The following DNAH2 variants were observed in gnomAD, a reference collection of about 807,000 sequenced individuals.
DNAH2 encodes dynein axonemal heavy chain 2, also known as axonemal beta dynein heavy chain 2.
A neutral mutation model predicts 523.5 loss-of-function variants in DNAH2; 323 were observed. That is an observed-to-expected ratio of 0.62 (90% CI 0.56 to 0.68). The LOEUF (loss-of-function observed/expected upper bound fraction) is 0.68. Ranked by LOEUF, DNAH2 falls within the 30% of genes least tolerant of loss-of-function variation. The pLI, the probability that DNAH2 is intolerant of heterozygous loss-of-function variation, is 0.00. For missense variants in DNAH2, 4,907 were observed against 5,701.5 expected, an observed-to-expected ratio of 0.86 and a Z score of 4.49; for synonymous variants, 2,093 against 2,177.4, an observed-to-expected ratio of 0.96 and a Z score of 1.08.
At chr17:7,724,385 C>G (rs139890359) in intron 3 of DNAH2, among the ~76,000 whole-genome samples, 1 of 152,046 alleles carries the variant, frequency 6.6e-6, no homozygotes, top group African/African-American at 2.4e-5. Context: ...TTTAGGATGC[C>G]GAGGTGGGTG....
At position 7,786,235 on chromosome 17, in the gene DNAH2, A is replaced by G; in HGVS notation, c.6241A>G (p.Met2081Val). ...AACCAAGAACTCCCGCCACTCCACC[A>G]TGATCGTGGGCTGCACGGGCAGCGG... ...YETKNSRHST[M>V]IVGCTGSGKT... Residue 2081 changes from methionine (M) to valine (V), a missense_variant, in exon 40 of 86, where the codon ATG (methionine) becomes GTG (valine). This residue lies in a region of DNAH2 where 2,806 missense variants were observed against 3,190.8 expected (regional missense o/e 0.88). Coordinates refer to ENST00000572933, the MANE Select transcript of DNAH2 (RefSeq NM_020877.5). This position sits in a 1 kb window ranked among gnomAD's most constrained non-coding sequence, Gnocchi z 7.5. 1.9e-6 allele frequency: 3 copies of G among 1,614,038 alleles called. No individual in the cohort carries two copies. The highest frequency in any genetic ancestry group is 2.5e-6 in the Non-Finnish European group (3 of 1,180,018).
chr17:7,829,032 T>TATTA (rs200055892), intron 77 of DNAH2, among the ~76,000 whole-genome samples: 2 of 148,472 alleles, frequency 1.3e-5, no homozygotes, highest in East Asian at 3.9e-4. Context: ...TTATTATTAT[T>TATTA]TTTTTTTTTT....
Position 7,799,822 on chromosome 17 carries a change from T to TACAC in DNAH2, c.8699+595_8699+598dup, listed in dbSNP as rs143959847. Among the ~76,000 whole-genome samples the TACAC allele has an allele frequency of 5.0e-3, 746 of 150,516 alleles. 2 individuals carry two copies. Among genetic ancestry groups the TACAC allele is most frequent in the African/African-American group, 0.012 (513 of 41,136 alleles). ...GACAGAGCGAGACTCTGTCTCAAAA[T>TACAC]ACACACACACACACACACCCAAAAT... On this transcript the variant is annotated intron_variant, in intron 56 of 85. Transcript: ENST00000572933.
Position 7,821,502 on chromosome 17 carries a change from C to T in DNAH2, c.11142+133C>T. 1 of 1,285,772 alleles carries T rather than the reference C, an allele frequency of 7.8e-7. No individual in the cohort carries two copies. The highest frequency in any genetic ancestry group is 1.6e-5 in the South Asian group (1 of 63,678). The allele number at this position is 1,285,772 out of a possible 1,614,324, so 79.6% of individuals were successfully genotyped here. The stretch of plus-strand genomic sequence containing the variant: ...AGTGAGCTGAGAAAATCCAGGCCAG[C>T]ATCAGGTGCATGGTGAGCTCCCTGG... On this transcript the variant is annotated intron_variant, in intron 73 of 85. Coordinates refer to ENST00000572933, the MANE Select transcript of DNAH2 (RefSeq NM_020877.5). This position sits in a 1 kb window ranked among gnomAD's most constrained non-coding sequence, Gnocchi z 5.0.
At chr17:7,800,757 C>G (rs967118120) in intron 56 of DNAH2, among the ~76,000 whole-genome samples, 2 of 150,150 alleles carry the variant, frequency 1.3e-5, no homozygotes, top group Admixed American at 6.6e-5. Context: ...GTCCCAGCTA[C>G]TCGGGAGGCT....
intron 3 of DNAH2, among the ~76,000 whole-genome samples, chr17:7,725,211 T>A (rs1444085841): frequency 1.3e-5 from 2 of 151,328 alleles, no homozygotes; most frequent in Non-Finnish European, 2.9e-5. Flanking sequence ...TGTCTCGGCC[T>A]CCTGAGTAGC....
rs1475216211 is a variant in DNAH2, at chr17:7,786,052, C to T, written c.6130-72C>T. On this transcript the variant is annotated intron_variant, in intron 39 of 85. Coordinates refer to ENST00000572933, the MANE Select transcript of DNAH2 (RefSeq NM_020877.5). The surrounding 1 kb of genome is among the most constrained non-coding windows in gnomAD (Gnocchi z 7.5). The stretch of plus-strand genomic sequence containing the variant: ...AGTTTGAACGTATTCTCTCTGGCAC[C>T]GGGGAGATTTTGAAAGCCCTTTAAA... 44 of 1,508,884 alleles carry T rather than the reference C, an allele frequency of 2.9e-5. No individual in the cohort carries two copies. Among genetic ancestry groups the T allele is most frequent in the Middle Eastern group, 3.4e-4 (2 of 5,832 alleles). The allele number at this position is 1,508,884 out of a possible 1,614,324, so 93.5% of individuals were successfully genotyped here. A position where few individuals can be genotyped will look rare whatever the true frequency, so the allele number is the denominator to read the frequency against.
chr17:7,804,090 T>C (rs932238524), intron 58 of DNAH2, among the ~76,000 whole-genome samples, 166 bp from the exon 59 acceptor site: 2 of 152,110 alleles, frequency 1.3e-5, no homozygotes, highest in African/African-American at 4.8e-5. Flanking sequence ...CTGTTGGCAA[T>C]GACCCAGGCA....
rs1456096344 is a variant in DNAH2, at chr17:7,779,428, G to C, written c.5722+5G>C. Reference sequence around the variant, plus strand: ...TCTTCATTACCATGAATCCTGGTAGGTGGCAGGGAGTGGATGGGACTCCTG... The same window carrying C: ...TCTTCATTACCATGAATCCTGGTAGCTGGCAGGGAGTGGATGGGACTCCTG... On this transcript the variant is annotated splice_donor_5th_base_variant and intron_variant, in intron 36 of 85. Transcript: ENST00000572933. The C allele has an allele frequency of 1.2e-6, 2 of 1,612,474 alleles. No homozygotes were observed. Among genetic ancestry groups the C allele is most frequent in the Non-Finnish European group, 1.7e-6 (2 of 1,179,220 alleles).
At chr17:7,744,073 T>C (rs915679652) in intron 12 of DNAH2, among the ~76,000 whole-genome samples, 2 of 151,916 alleles carry the variant, frequency 1.3e-5, no homozygotes, top group East Asian at 3.9e-4. Context: ...AGTGTTGGAT[T>C]CCACTCATAA....
At chr17:7,793,447 T>TTTTCTTTCTTTCTTTCTTTC (rs557051250) in intron 48 of DNAH2, among the ~76,000 whole-genome samples, 3 of 96,502 alleles carry the variant, frequency 3.1e-5, no homozygotes, top group African/African-American at 1.1e-4. Flanking sequence ...CTTTCTTTCT[T>TTTTCTTTCTTTCTTTCTTTC]TTTCTTTCTT....
Position 7,824,196 on chromosome 17 carries a change from C to G in DNAH2, c.11554C>G (p.Leu3852Val), listed in dbSNP as rs750383048. 5 of 1,606,166 alleles carry G rather than the reference C, an allele frequency of 3.1e-6. No homozygotes were observed. The highest frequency in any genetic ancestry group is 4.2e-6 in the Non-Finnish European group (5 of 1,178,020). The change falls in exon 76 of 86, where the codon CTG becomes GTG. Residue 3852 changes from leucine (L) to valine (V), a missense_variant. Physicochemically the swap from Leu to Val is conservative, Grantham distance 32. Transcript: ENST00000572933. ...TGGTGTGGACCCCACCAGTGCCCTGCTGCAGCTGGCAGAGCACATGGGCAT... is the reference window on the plus strand; with the variant it reads ...TGGTGTGGACCCCACCAGTGCCCTGGTGCAGCTGGCAGAGCACATGGGCAT... ...SPGVDPTSAL[L>V]QLAEHMGMAQ... is the part of the protein sequence containing the mutation.
Position 7,817,978 on chromosome 17 carries a change from T to C in DNAH2, c.10269T>C (p.Asp3423=), listed in dbSNP as rs1478022828. ...GLKIIDLQMS[D]YLRILEHAIH... is the part of the protein sequence containing the mutation. Reference sequence around the variant, plus strand: ...AGATCATCGACCTGCAGATGAGCGATTACCTGCGAATCCTAGAACACGCCA... The same window carrying C: ...AGATCATCGACCTGCAGATGAGCGACTACCTGCGAATCCTAGAACACGCCA... Residue 3423 remains aspartate (D), a synonymous_variant, in exon 68 of 86, where the codon GAT becomes GAC. Transcript: ENST00000572933. 1.9e-6 allele frequency: 3 copies of C among 1,613,946 alleles called. No individual in the cohort carries two copies. Among genetic ancestry groups the C allele is most frequent in the Non-Finnish European group, 2.5e-6 (3 of 1,180,002 alleles).
At chr17:7,827,515 G>A (rs2078052416) in intron 77 of DNAH2, among the ~76,000 whole-genome samples, 1 of 151,868 alleles carries the variant, frequency 6.6e-6, no homozygotes, top group Admixed American at 6.6e-5. Flanking sequence ...GCGTGATCTC[G>A]GCTCACTGCA....
intron 56 of DNAH2, 50 bp from the exon 57 acceptor site, chr17:7,801,528 G>A: frequency 1.2e-6 from 2 of 1,608,852 alleles, no homozygotes; most frequent in East Asian, 2.2e-5. Context: ...CCAGTACCTG[G>A]AGGCTGTGTC....
Position 7,780,490 on chromosome 17 carries a change from A to G in DNAH2, c.5851-140A>G. 7.1e-7 allele frequency: 1 copy of G among 1,411,600 alleles called. No individual in the cohort carries two copies. The highest frequency in any genetic ancestry group is 9.7e-7 in the Non-Finnish European group (1 of 1,033,350). 87.4% of individuals were successfully genotyped at this position (1,411,600 alleles called of 1,614,324 possible). ...AACTGACAATGGCGTCATTCACACA[A>G]TTTCCTCAGGAGAATCCATAGAGTG... is the stretch of plus-strand genomic sequence containing the variant. On this transcript the variant is annotated intron_variant, in intron 37 of 85. Transcript: ENST00000572933. This position sits in a 1 kb window ranked among gnomAD's most constrained non-coding sequence, Gnocchi z 4.4.
At chr17:7,747,346 T>C (rs1411184435) in intron 12 of DNAH2, among the ~76,000 whole-genome samples, 1 of 152,122 alleles carries the variant, frequency 6.6e-6, no homozygotes. Flanking sequence ...ACTTAATTCT[T>C]TTTCCTGGCT....
rs779305927 is a variant in DNAH2 at position 7,801,844 on chromosome 17, C to T, written c.8833-34C>T. ...CCAGCCTCTCTCCCACTTCCGTTTC[C>T]ATCTGCCTTTTCATCCTGTGTCACT... On this transcript the variant is annotated intron_variant, in intron 57 of 85. Coordinates refer to ENST00000572933, the MANE Select transcript of DNAH2 (RefSeq NM_020877.5). The T allele has an allele frequency of 2.2e-5, 35 of 1,613,862 alleles. No individual in the cohort carries two copies. In the South Asian group the frequency reaches 3.6e-4, roughly 17 times the overall value.
chr17:7,735,351 A>C (rs375601498), intron 7 of DNAH2, among the ~76,000 whole-genome samples: 1 of 152,166 alleles, frequency 6.6e-6, no homozygotes, highest in Non-Finnish European at 1.5e-5. Context: ...GGCTGGTCTC[A>C]AATGCCTGAC....
Sources: gnomAD v4.1 joint callset for allele counts (sites outside exome capture counted in the v4.1 genomes callset) on GRCh38, gnomAD v4.1.1 for gene constraint, gnomAD v4.1.1 regional missense constraint, Gnocchi (gnomAD v3.1) non-coding constraint, MANE v1.5 for transcripts, NCBI Gene and HGNC (gene_info 2026-07-23, HGNC 2026-07-21) for gene names.